The following ANKH variants were observed in gnomAD, a reference collection of about 807,000 sequenced individuals.
The protein encoded by ANKH is ANKH inorganic pyrophosphate transport regulator, also known as mineralization regulator ANKH.
In ANKH, 15 loss-of-function variants were observed where a neutral mutation model predicts 49.0. That is an observed-to-expected ratio of 0.31 (90% confidence interval 0.20 to 0.47). The LOEUF is 0.47. ANKH is among the 20% of genes least tolerant of loss of function. ANKH has a pLI of 1.00. For synonymous variants in ANKH, 273 were observed against 260.0 expected (o/e 1.05, Z -0.48); for missense variants, 429 against 652.0 (o/e 0.66, Z 3.72).
chr5:14,744,097 C>T (rs538662403), intron 7 of ANKH, among the ~76,000 whole-genome samples: 64 of 152,328 alleles, frequency 4.2e-4, no homozygotes, highest in South Asian at 1.9e-3. Context: ...TCTATACACA[C>T]GTGCCTTGAA....
chr5:14,793,036 AAAT>A (rs1740239891), intron 1 of ANKH, among the ~76,000 whole-genome samples: 17 of 67,142 alleles, frequency 2.5e-4, no homozygotes, highest in Non-Finnish European at 4.4e-4. Context: ...ATATATATAA[AAAT>A]ATATATATAA....
chr5:14,822,611 G>C (rs1741228233), intron 1 of ANKH, among the ~76,000 whole-genome samples: 1 of 152,178 alleles, frequency 6.6e-6, no homozygotes, highest in South Asian at 2.1e-4. Flanking sequence ...CACACATTCA[G>C]AAGCAATGTT....
Position 14,763,978 on chromosome 5 carries a change from A to G in ANKH, c.313+4997T>C, listed in dbSNP as rs566442106. ...GTGGCAGGTGCCTGTAATCCCAGCTACTTGGGAGGCTGAGGCAGGAGAATG... is the reference window on the plus strand; with the variant it reads ...GTGGCAGGTGCCTGTAATCCCAGCTGCTTGGGAGGCTGAGGCAGGAGAATG... On this transcript the variant is annotated intron_variant, in intron 2 of 11. Coordinates refer to ENST00000284268, the MANE Select transcript of ANKH (RefSeq NM_054027.6). 2.0e-5 allele frequency among the ~76,000 whole-genome samples: 3 copies of G among 152,200 alleles called. No homozygotes were observed. In the East Asian group the frequency reaches 5.8e-4, roughly 29 times the overall value.
intron 8 of ANKH, among the ~76,000 whole-genome samples, chr5:14,741,113 C>T (rs143067658): frequency 2.6e-4 from 39 of 152,280 alleles, no homozygotes; most frequent in African/African-American, 7.7e-4. Context: ...TGTTGATAAA[C>T]GCTCTAAAAA....
intron 8 of ANKH, among the ~76,000 whole-genome samples, chr5:14,726,378 G>T (rs527933961): frequency 2.4e-4 from 37 of 152,288 alleles, no homozygotes; most frequent in Non-Finnish European, 5.0e-4. Context: ...CACTCGGAGG[G>T]ATGTGAGAGC....
chr5:14,723,660 G>A (rs1195919220), intron 8 of ANKH, among the ~76,000 whole-genome samples: 2 of 152,136 alleles, frequency 1.3e-5, no homozygotes, highest in African/African-American at 2.4e-5. Context: ...AAAAAAGAAG[G>A]AAGAAGAAGA....
intron 1 of ANKH, among the ~76,000 whole-genome samples, chr5:14,775,058 C>T (rs374039241): frequency 1.3e-5 from 2 of 151,020 alleles, no homozygotes; most frequent in Admixed American, 6.6e-5. Flanking sequence ...CATAAGTCCC[C>T]TTTTTTTTCT....
intron 7 of ANKH, among the ~76,000 whole-genome samples, chr5:14,743,663 T>C (rs950115377): frequency 5.3e-4 from 81 of 152,200 alleles, no homozygotes; most frequent in African/African-American, 1.9e-3. Context: ...ATTCTGGAAG[T>C]CCATATGGAG....
At chr5:14,742,839 C>T (rs1738407901) in intron 7 of ANKH, among the ~76,000 whole-genome samples, 1 of 152,260 alleles carries the variant, frequency 6.6e-6, no homozygotes, top group South Asian at 2.1e-4. Context: ...TGCCGAGGCT[C>T]TCCAGCTGCA....
At chr5:14,851,092 T>C (rs1406915550) in intron 1 of ANKH, among the ~76,000 whole-genome samples, 3 of 152,134 alleles carry the variant, frequency 2.0e-5, no homozygotes, top group Non-Finnish European at 4.4e-5. Context: ...ACTGAGGCTG[T>C]GCTACGACCC....
At chr5:14,827,979 C>T (rs971715975) in intron 1 of ANKH, among the ~76,000 whole-genome samples, 11 of 152,144 alleles carry the variant, frequency 7.2e-5, no homozygotes, top group Non-Finnish European at 1.2e-4. Flanking sequence ...CAGATCATAC[C>T]ACGTGGGCAC....
chr5:14,832,354 A>AT (rs1177665072), intron 1 of ANKH, among the ~76,000 whole-genome samples: 2 of 152,220 alleles, frequency 1.3e-5, no homozygotes, highest in African/African-American at 2.4e-5. Context: ...CACCACTGCG[A>AT]TTTTTTATAA....
intron 8 of ANKH, among the ~76,000 whole-genome samples, chr5:14,727,386 A>C (rs1430972294): frequency 6.6e-6 from 1 of 151,930 alleles, no homozygotes; most frequent in Admixed American, 6.6e-5. Context: ...ATGAAAACTA[A>C]ATCATCCCTT....
intron 1 of ANKH, among the ~76,000 whole-genome samples, chr5:14,842,229 G>A (rs901310712): frequency 1.3e-5 from 2 of 152,174 alleles, no homozygotes; most frequent in Non-Finnish European, 2.9e-5. Context: ...TGATGATGGG[G>A]GGTGTGGTTT....
intron 8 of ANKH, among the ~76,000 whole-genome samples, chr5:14,723,084 A>T (rs1289652895): frequency 6.6e-6 from 1 of 152,038 alleles, no homozygotes; most frequent in Non-Finnish European, 1.5e-5. Flanking sequence ...GAAAGTCTAA[A>T]ACTCTCAGAG....
At chr5:14,728,977 G>A (rs1349113718) in intron 8 of ANKH, among the ~76,000 whole-genome samples, 2 of 152,202 alleles carry the variant, frequency 1.3e-5, no homozygotes, top group Non-Finnish European at 2.9e-5. Context: ...TGGACAGTAG[G>A]TAGAAATGGG....
chr5:14,808,498 C>A (rs936092223), intron 1 of ANKH, among the ~76,000 whole-genome samples: 6 of 152,186 alleles, frequency 3.9e-5, no homozygotes, highest in African/African-American at 1.4e-4. Context: ...GGTGCAGTGG[C>A]TCACACCTGT....
intron 2 of ANKH, among the ~76,000 whole-genome samples, chr5:14,761,203 G>A (rs1053634476): frequency 5.3e-5 from 8 of 152,134 alleles, no homozygotes; most frequent in South Asian, 2.1e-4. Flanking sequence ...AGAAGGAACC[G>A]CCCCTGCAAC....
chr5:14,778,159 G>T (rs1178648601), intron 1 of ANKH, among the ~76,000 whole-genome samples: 7 of 152,166 alleles, frequency 4.6e-5, no homozygotes, highest in African/African-American at 1.7e-4. Context: ...ACCCGGCCTG[G>T]GGTCATCCTG....
Sources: allele counts gnomAD v4.1 joint callset (sites outside exome capture counted in the v4.1 genomes callset), GRCh38; gene constraint gnomAD v4.1.1; transcripts MANE v1.5; gene names NCBI Gene and HGNC (gene_info 2026-07-23, HGNC 2026-07-21).